The following FRMD4B variants were observed in gnomAD, a reference collection of about 807,000 sequenced individuals.
FRMD4B encodes the protein FERM domain containing 4B.
FRMD4B carries 74 observed loss-of-function variants against 141.5 expected under a neutral mutation model. The ratio of observed to expected loss-of-function variants is 0.52; its 90% CI spans 0.43 to 0.63. FRMD4B has a LOEUF of 0.63. Ranked by LOEUF, FRMD4B falls within the 30% of genes least tolerant of loss-of-function variation. The pLI is 0.00. For synonymous variants in FRMD4B, 506 were observed against 467.9 expected, an observed-to-expected ratio of 1.08 and a Z score of -1.05; for missense variants, 1,366 against 1,253.4, an observed-to-expected ratio of 1.09 and a Z score of -1.36.
intron 1 of FRMD4B, among the ~76,000 whole-genome samples, chr3:69,345,997 G>T (rs1702926234): frequency 6.6e-6 from 1 of 152,174 alleles, no homozygotes; most frequent in South Asian, 2.1e-4. Context: ...ACTTTGATGA[G>T]TTGAGAGAAG....
Position 69,250,239 on chromosome 3 carries a change from T to TG in FRMD4B, c.502-141dup, listed in dbSNP as rs929063824. Reference sequence around the variant, plus strand: ...CAGATCATACCATTGCAGGGGAAAGTGGGGGGTGTGGAGAGACTCATTGAG... The same window carrying TG: ...CAGATCATACCATTGCAGGGGAAAGTGGGGGGGTGTGGAGAGACTCATTGAG... On this transcript the variant is annotated intron_variant, in intron 5 of 22. Transcript: ENST00000398540. The TG allele has an allele frequency of 2.5e-5, 18 of 721,810 alleles. No individual in the cohort carries two copies. In the African/African-American group the frequency reaches 3.0e-4, roughly 12 times the overall value. 44.7% of individuals were successfully genotyped at this position (721,810 alleles called of 1,614,324 possible). A position where few individuals can be genotyped will look rare whatever the true frequency, so the allele number is the denominator to read the frequency against.
intron 4 of FRMD4B, among the ~76,000 whole-genome samples, chr3:69,295,679 C>T (rs1009946959): frequency 2.6e-5 from 4 of 152,142 alleles, no homozygotes; most frequent in Non-Finnish European, 4.4e-5. Flanking sequence ...TCCTACAGCA[C>T]AGCTTAGCTC....
chr3:69,344,041 G>C (rs1470669883), intron 1 of FRMD4B, among the ~76,000 whole-genome samples: 1 of 152,210 alleles, frequency 6.6e-6, no homozygotes, highest in East Asian at 1.9e-4. Flanking sequence ...TGCTGGTGCA[G>C]TACATACCCA....
At chr3:69,377,153 T>C (rs1157969782) in intron 1 of FRMD4B, 4 of 152,316 alleles carry the variant, frequency 2.6e-5, no homozygotes, top group Non-Finnish European at 2.9e-5. Flanking sequence ...AAAAATTAGT[T>C]TTTGGGTACC....
intron 1 of FRMD4B, among the ~76,000 whole-genome samples, 185 bp from the exon 2 acceptor site, chr3:69,313,702 A>G (rs1180145926): frequency 1.3e-5 from 2 of 152,250 alleles, no homozygotes; most frequent in Admixed American, 1.3e-4. Context: ...AAAGAAGAAC[A>G]AAGAGCACAG....
At chr3:69,240,577 T>A (rs1308715750) in intron 7 of FRMD4B, among the ~76,000 whole-genome samples, 1 of 152,028 alleles carries the variant, frequency 6.6e-6, no homozygotes, top group East Asian at 1.9e-4. Flanking sequence ...CAAAGAAATG[T>A]GTTTCTCTTC....
rs2092796223 is a variant in FRMD4B, at chr3:69,188,580, AC to A, written c.1772-664del. ...AGACCATCCTGGCTAACAAGGTGAA[AC>A]CCCGTCTCTACTAAAAATACAAAAA... On this transcript the variant is annotated intron_variant, in intron 18 of 22. Transcript: ENST00000398540. Among the ~76,000 whole-genome samples, 3 of 151,434 alleles carry A rather than the reference AC, an allele frequency of 2.0e-5. No individual in the cohort carries two copies. The South Asian group carries it at 6.3e-4, about 32-fold the overall frequency.
intron 1 of FRMD4B, among the ~76,000 whole-genome samples, chr3:69,455,131 A>G (rs534576251): frequency 2.9e-4 from 44 of 152,238 alleles, no homozygotes; most frequent in Admixed American, 7.8e-4. Flanking sequence ...ATCAAAATGG[A>G]CCAATCAGCT....
At chr3:69,513,799 A>G (rs1251272584) in intron 1 of FRMD4B, among the ~76,000 whole-genome samples, 1 of 152,198 alleles carries the variant, frequency 6.6e-6, no homozygotes, top group Non-Finnish European at 1.5e-5. Context: ...AATAAAGGAC[A>G]AAAACCATGG....
intron 1 of FRMD4B, among the ~76,000 whole-genome samples, chr3:69,448,640 C>T (rs1226714848): frequency 6.6e-6 from 1 of 152,024 alleles, no homozygotes; most frequent in Non-Finnish European, 1.5e-5. Flanking sequence ...GCATCATTTT[C>T]GGGGGCTTAT....
chr3:69,175,855 A>G (rs1242550119), intron 22 of FRMD4B, among the ~76,000 whole-genome samples: 3 of 141,536 alleles, frequency 2.1e-5, no homozygotes, highest in South Asian at 4.4e-4. Flanking sequence ...ATCTGGGCTC[A>G]CTGCAAGCTC....
At chr3:69,340,345 C>G (rs570770082) in intron 1 of FRMD4B, among the ~76,000 whole-genome samples, 20 of 152,180 alleles carry the variant, frequency 1.3e-4, no homozygotes, top group Middle Eastern at 3.4e-3. Flanking sequence ...GCCTTGGTGT[C>G]TGTTGTTCCT....
intron 5 of FRMD4B, among the ~76,000 whole-genome samples, chr3:69,262,220 G>A (rs1274323491): frequency 6.6e-6 from 1 of 152,138 alleles, no homozygotes; most frequent in East Asian, 1.9e-4. Flanking sequence ...ACCCACCTCA[G>A]CCTCCCGAAA....
At chr3:69,261,551 G>C (rs1210223123) in intron 5 of FRMD4B, among the ~76,000 whole-genome samples, 1 of 152,100 alleles carries the variant, frequency 6.6e-6, no homozygotes, top group African/African-American at 2.4e-5. Flanking sequence ...CAATGTCCGT[G>C]GTATATCTGG....
intron 1 of FRMD4B, among the ~76,000 whole-genome samples, chr3:69,456,166 C>T (rs1390342612): frequency 1.3e-5 from 2 of 152,206 alleles, no homozygotes; most frequent in South Asian, 2.1e-4. Flanking sequence ...GGCTCCCTAC[C>T]TCTTCCTTTC....
chr3:69,327,261 A>T (rs1702217484), intron 1 of FRMD4B, among the ~76,000 whole-genome samples: 1 of 152,226 alleles, frequency 6.6e-6, no homozygotes, highest in Non-Finnish European at 1.5e-5. Flanking sequence ...GGAGTAAAAA[A>T]GTACTGCGTC....
intron 2 of FRMD4B, among the ~76,000 whole-genome samples, chr3:69,408,682 A>G (rs1020010826): frequency 1.3e-5 from 2 of 152,082 alleles, no homozygotes; most frequent in Admixed American, 6.5e-5. Context: ...GGTGGACAAT[A>G]AACAAGGGCA....
intron 5 of FRMD4B, among the ~76,000 whole-genome samples, chr3:69,278,078 A>T (rs1348601120): frequency 5.2e-4 from 66 of 127,676 alleles, no homozygotes; most frequent in Middle Eastern, 6.7e-3. Flanking sequence ...CTGGTCTCGA[A>T]CTCCTGTCCT....
intron 7 of FRMD4B, among the ~76,000 whole-genome samples, chr3:69,244,887 A>G (rs1244654802): frequency 6.6e-6 from 1 of 152,148 alleles, no homozygotes; most frequent in Non-Finnish European, 1.5e-5. Flanking sequence ...ATAAATACAC[A>G]CAGATGTTCA....
Sources: gnomAD v4.1 joint callset for allele counts (sites outside exome capture counted in the v4.1 genomes callset) on GRCh38, gnomAD v4.1.1 for gene constraint, MANE v1.5 for transcripts, NCBI Gene and HGNC (gene_info 2026-07-23, HGNC 2026-07-21) for gene names.